Variants in PEMT observed in about 807,000 individuals in gnomAD.
PEMT encodes the protein phosphatidylethanolamine N-methyltransferase, also known as phospholipid methyltransferase.
Under a neutral mutation model 27.4 loss-of-function variants are expected in PEMT, and 23 were observed. That is an observed-to-expected ratio of 0.84 (90% CI 0.60 to 1.19). The LOEUF is 1.19. Ranked by LOEUF, PEMT falls within the 50% of genes most tolerant of loss-of-function variation. The pLI, the probability that PEMT is intolerant of heterozygous loss-of-function variation, is 0.00. For synonymous variants in PEMT, 137 were observed against 139.1 expected, an observed-to-expected ratio of 0.98 and a Z score of 0.11; for missense variants, 307 against 310.1, an observed-to-expected ratio of 0.99 and a Z score of 0.07.
intron 2 of PEMT, 74 bp from the exon 3 acceptor site, chr17:17,522,469 C>T (rs1907352071): frequency 4.4e-6 from 4 of 917,288 alleles, no homozygotes; most frequent in Non-Finnish European, 7.0e-6. Flanking sequence ...GAGCACATGC[C>T]TCTCTCTGCT....
intron 2 of PEMT, among the ~76,000 whole-genome samples, chr17:17,557,832 G>A (rs1421028571): frequency 6.6e-6 from 1 of 152,162 alleles, no homozygotes; most frequent in East Asian, 1.9e-4. Flanking sequence ...GGAGCCCATG[G>A]CTGCCAAGCT....
At chr17:17,573,492 G>A in intron 2 of PEMT, among the ~76,000 whole-genome samples, 1 of 150,790 alleles carries the variant, frequency 6.6e-6, no homozygotes, top group Admixed American at 6.6e-5. Context: ...GAAAAATTCA[G>A]GAAAAAAATA....
chr17:17,515,277 C>T (rs1160817518), intron 3 of PEMT, among the ~76,000 whole-genome samples: 1 of 152,214 alleles, frequency 6.6e-6, no homozygotes, highest in Non-Finnish European at 1.5e-5. Flanking sequence ...AAAAGCCCAG[C>T]TCATTCAGGG....
At chr17:17,539,739 G>T (rs536180452) in intron 2 of PEMT, among the ~76,000 whole-genome samples, 1 of 152,224 alleles carries the variant, frequency 6.6e-6, no homozygotes, top group Non-Finnish European at 1.5e-5. Context: ...TCATTCAGGG[G>T]CACAGAGCCC....
chr17:17,539,049 G>A (rs556002108), intron 2 of PEMT, among the ~76,000 whole-genome samples: 1 of 152,306 alleles, frequency 6.6e-6, no homozygotes, highest in Admixed American at 6.5e-5. Context: ...TATTTTAGAA[G>A]GGGGGACTTT....
At chr17:17,506,873 C>T (rs2142495935) in intron 5 of PEMT, 1 of 463,972 alleles carries the variant, frequency 2.2e-6, no homozygotes, top group Middle Eastern at 5.7e-4. Flanking sequence ...CCCGCCCAGC[C>T]CTCAACACCT....
upstream of PEMT, chr17:17,591,825 G>A: frequency 7.1e-7 from 1 of 1,403,594 alleles, no homozygotes; most frequent in Non-Finnish European, 9.2e-7. Context: ...AGCGTCTAGA[G>A]GAGCCGAGAA....
chr17:17,585,167 GTC>G (rs1201275561), intron 1 of PEMT, among the ~76,000 whole-genome samples: 4 of 152,176 alleles, frequency 2.6e-5, no homozygotes, highest in Non-Finnish European at 5.9e-5. Context: ...GTGAAACCCC[GTC>G]TCCACTAAAC....
chr17:17,575,292 T>C (rs1265576222), intron 2 of PEMT, among the ~76,000 whole-genome samples: 2 of 152,200 alleles, frequency 1.3e-5, no homozygotes, highest in Non-Finnish European at 2.9e-5. Flanking sequence ...ACACACACAA[T>C]GGCACTTAGG....
At chr17:17,550,992 C>T (rs993364779) in intron 2 of PEMT, among the ~76,000 whole-genome samples, 9 of 152,290 alleles carry the variant, frequency 5.9e-5, no homozygotes, top group African/African-American at 9.6e-5. Context: ...TACCTGCCCA[C>T]GTGTGCAGAT....
At chr17:17,557,279 A>G (rs1910120213) in intron 2 of PEMT, among the ~76,000 whole-genome samples, 2 of 152,158 alleles carry the variant, frequency 1.3e-5, no homozygotes, top group Admixed American at 6.5e-5. Flanking sequence ...CAGCAGACCT[A>G]CATAGAGCCG....
rs1350171759 is a variant in PEMT at position 17,513,114 on chromosome 17, C to T, written c.321-460G>A. Among the ~76,000 whole-genome samples, 1 of 152,226 alleles carries T rather than the reference C, an allele frequency of 6.6e-6. No individual in the cohort carries two copies. Among genetic ancestry groups the T allele is most frequent in the Non-Finnish European group, 1.5e-5 (1 of 68,040 alleles). ...CCCAGGTGTCCCATTCCCCAACAGACTCAGTGCCCCGAGGCCTGGGGCATG... is the reference window on the plus strand; with the variant it reads ...CCCAGGTGTCCCATTCCCCAACAGATTCAGTGCCCCGAGGCCTGGGGCATG... On this transcript the variant is annotated intron_variant, in intron 3 of 6. Coordinates refer to ENST00000255389, the MANE Select transcript of PEMT (RefSeq NM_148172.3). The surrounding 1 kb of genome is among the most constrained non-coding windows in gnomAD (Gnocchi z 4.1).
chr17:17,518,325 G>C (rs1291559672), intron 3 of PEMT, among the ~76,000 whole-genome samples: 2 of 152,198 alleles, frequency 1.3e-5, no homozygotes, highest in Non-Finnish European at 2.9e-5. Context: ...CAGCCTTGTG[G>C]CTCATCAGAG....
intron 2 of PEMT, among the ~76,000 whole-genome samples, chr17:17,569,700 C>T (rs75035298): frequency 0.055 from 8,440 of 152,264 alleles, 316 homozygotes; most frequent in South Asian, 0.092. Flanking sequence ...TTCCAACTTG[C>T]TATGTCTCCA....
rs956212862 is a variant in PEMT, at chr17:17,513,758, C to T, written c.321-1104G>A. Among the ~76,000 whole-genome samples, 8 of 151,824 alleles carry T rather than the reference C, an allele frequency of 5.3e-5. No individual in the cohort carries two copies. Among genetic ancestry groups the T allele is most frequent in the Non-Finnish European group, 8.8e-5 (6 of 67,960 alleles). On this transcript the variant is annotated intron_variant, in intron 3 of 6. Coordinates refer to ENST00000255389, the MANE Select transcript of PEMT (RefSeq NM_148172.3). This position sits in a 1 kb window ranked among gnomAD's most constrained non-coding sequence, Gnocchi z 4.1. ...GTACCCAGGCCTCATCACAGGGGAG[C>T]GGGCGCTGGTGGGAAGGGGGCCCTG...
At chr17:17,521,399 C>G (rs1008376583) in intron 3 of PEMT, among the ~76,000 whole-genome samples, 1 of 152,174 alleles carries the variant, frequency 6.6e-6, no homozygotes, top group African/African-American at 2.4e-5. Context: ...TCACATTCCA[C>G]GCAGGTGGGC....
chr17:17,577,719 G>C (rs1213443053), intron 1 of PEMT, among the ~76,000 whole-genome samples: 1 of 151,738 alleles, frequency 6.6e-6, no homozygotes, highest in Non-Finnish European at 1.5e-5. Context: ...AACTACAGCA[G>C]TTAAAAGCAC....
At chr17:17,508,874 C>T (rs1375846651) in intron 5 of PEMT, 4 of 388,230 alleles carry the variant, frequency 1.0e-5, no homozygotes, top group Admixed American at 3.3e-5. Flanking sequence ...CTGTCAGCTG[C>T]GGGTGAGCTG....
At chr17:17,578,674 G>A (rs944566863) in intron 1 of PEMT, 1 of 152,066 alleles carries the variant, frequency 6.6e-6, no homozygotes, top group African/African-American at 2.4e-5. Context: ...GAACAATACA[G>A]AGAAGATTAG....
Sources: allele counts gnomAD v4.1 joint callset (sites outside exome capture counted in the v4.1 genomes callset), GRCh38; gene constraint gnomAD v4.1.1; non-coding constraint Gnocchi (gnomAD v3.1); transcripts MANE v1.5; gene names NCBI Gene and HGNC (gene_info 2026-07-23, HGNC 2026-07-21).